Variants in DCC observed in about 807,000 individuals in gnomAD.
DCC encodes netrin receptor DCC.
A neutral mutation model predicts 172.5 loss-of-function variants in DCC; 58 were observed. That is an observed-to-expected ratio of 0.34 (90% CI 0.27 to 0.42). The LOEUF (loss-of-function observed/expected upper bound fraction) is 0.42, where lower values mean the gene tolerates loss of function less well. Ranked by LOEUF, DCC falls within the 10% of genes least tolerant of loss-of-function variation. DCC has a pLI of 1.00. For synonymous variants in DCC, 709 were observed against 644.5 expected, an observed-to-expected ratio of 1.10 and a Z score of -1.52; for missense variants, 1,740 against 1,791.0, an observed-to-expected ratio of 0.97 and a Z score of 0.51.
chr18:53,443,617 A>G (rs924898845), intron 22 of DCC, among the ~76,000 whole-genome samples: 1 of 152,192 alleles, frequency 6.6e-6, no homozygotes, highest in Non-Finnish European at 1.5e-5. Context: ...TATTTCATAG[A>G]TATGTCTTCC....
In DCC at chr18:53,098,591, T is replaced by C. The variant is rs577411616; in HGVS notation, c.1261+32425T>C. ...CACAGAACTGATGCTGTTGTTCTCA[T>C]TGCATCACATTGGGTGGCATATGAC... is the stretch of plus-strand genomic sequence containing the variant. On this transcript the variant is annotated intron_variant, in intron 7 of 28. Transcript: ENST00000442544. 2.6e-5 allele frequency among the ~76,000 whole-genome samples: 4 copies of C among 152,310 alleles called. No homozygotes were observed. In the East Asian group the frequency reaches 5.8e-4, roughly 22 times the overall value.
At chr18:52,981,375 T>C (rs11876381) in intron 5 of DCC, among the ~76,000 whole-genome samples, 3,239 of 152,282 alleles carry the variant, frequency 0.021, 59 homozygotes, top group Admixed American at 0.039. Flanking sequence ...CTGAGCCTTA[T>C]ATTTAATTCA....
chr18:52,839,173 A>G (rs2038762895), intron 2 of DCC, among the ~76,000 whole-genome samples: 1 of 152,210 alleles, frequency 6.6e-6, no homozygotes, highest in Non-Finnish European at 1.5e-5. Context: ...TATACAAATG[A>G]ATCAACCTAT....
chr18:52,468,127 A>G (rs1395563440), intron 1 of DCC, among the ~76,000 whole-genome samples: 1 of 152,206 alleles, frequency 6.6e-6, no homozygotes, highest in African/African-American at 2.4e-5. Flanking sequence ...TTGCAGGGGT[A>G]CAGATATGAG....
At chr18:52,994,047 C>CA (rs1568233471) in intron 5 of DCC, among the ~76,000 whole-genome samples, 1 of 151,698 alleles carries the variant, frequency 6.6e-6, no homozygotes, top group South Asian at 2.1e-4. Flanking sequence ...GTTATGTTAA[C>CA]AAAAAAAGGA....
chr18:53,142,247 G>A (rs1208130796), intron 7 of DCC, among the ~76,000 whole-genome samples: 1 of 152,238 alleles, frequency 6.6e-6, no homozygotes, highest in Non-Finnish European at 1.5e-5. Context: ...TGCTCTGGTG[G>A]ATGACACTTC....
At chr18:53,401,347 A>G (rs1909280328) in intron 18 of DCC, among the ~76,000 whole-genome samples, 1 of 151,866 alleles carries the variant, frequency 6.6e-6, no homozygotes, top group Non-Finnish European at 1.5e-5. Context: ...TTTTTTGAAA[A>G]TGTGAATATA....
At chr18:53,097,458 T>G (rs2043103546) in intron 7 of DCC, among the ~76,000 whole-genome samples, 1 of 152,204 alleles carries the variant, frequency 6.6e-6, no homozygotes. Flanking sequence ...CCTGATGTCA[T>G]TTTAAAATAA....
chr18:53,044,731 G>C (rs925512360), intron 5 of DCC, among the ~76,000 whole-genome samples: 1 of 151,776 alleles, frequency 6.6e-6, no homozygotes, highest in African/African-American at 2.4e-5. Context: ...CTCATAACTT[G>C]ACTTCTAAAT....
intron 12 of DCC, among the ~76,000 whole-genome samples, chr18:53,226,220 C>A (rs2056025576): frequency 6.6e-6 from 1 of 152,034 alleles, no homozygotes; most frequent in Non-Finnish European, 1.5e-5. Context: ...CAAAAATAAG[C>A]CTTGCATTCA....
intron 1 of DCC, among the ~76,000 whole-genome samples, chr18:52,685,576 G>T (rs1326402632): frequency 6.6e-6 from 1 of 152,080 alleles, no homozygotes; most frequent in African/African-American, 2.4e-5. Context: ...GGCAGGAATG[G>T]ATGAGGTCCT....
chr18:52,927,116 CGT>C lies in DCC; in HGVS notation c.985+1749_985+1750del, dbSNP rs1243688115. 2.3e-5 allele frequency among the ~76,000 whole-genome samples: 2 copies of C among 85,446 alleles called. 1 individual carries two copies. Among genetic ancestry groups the C allele is most frequent in the Non-Finnish European group, 5.1e-5 (2 of 39,096 alleles). 56.1% of individuals were successfully genotyped at this position (85,446 alleles called of 152,430 possible). A position where few individuals can be genotyped will look rare whatever the true frequency, so the allele number is the denominator to read the frequency against. On this transcript the variant is annotated intron_variant, in intron 5 of 28. Coordinates refer to ENST00000442544, the MANE Select transcript of DCC (RefSeq NM_005215.4). Reference sequence around the variant, plus strand: ...ATATACGTGTATATACACGTATATACGTGTATATACACGTATATACGTGTATA... The same window carrying C: ...ATATACGTGTATATACACGTATATACGTATATACACGTATATACGTGTATA...
At chr18:52,442,169 CTCAGAGTGACAT>C (rs1405797241) in intron 1 of DCC, among the ~76,000 whole-genome samples, 5 of 152,172 alleles carry the variant, frequency 3.3e-5, no homozygotes, top group African/African-American at 1.2e-4. Context: ...ACATGAACAT[CTCAGAGTGACAT>C]TCATAATCTA....
chr18:53,485,455 G>A (rs1308118686), intron 25 of DCC, among the ~76,000 whole-genome samples: 1 of 151,960 alleles, frequency 6.6e-6, no homozygotes, highest in East Asian at 1.9e-4. Flanking sequence ...TTGTTGAAAT[G>A]ATTTATCTTT....
intron 5 of DCC, among the ~76,000 whole-genome samples, chr18:52,960,406 A>C (rs1351612048): frequency 6.6e-6 from 1 of 152,026 alleles, no homozygotes; most frequent in East Asian, 1.9e-4. Context: ...ATTTCTTTTA[A>C]TGTCTACATT....
chr18:52,718,880 T>C (rs1199703305), intron 1 of DCC, among the ~76,000 whole-genome samples: 1 of 152,210 alleles, frequency 6.6e-6, no homozygotes, highest in African/African-American at 2.4e-5. Flanking sequence ...GACACTTGTA[T>C]TGGTCTTTTA....
intron 5 of DCC, among the ~76,000 whole-genome samples, chr18:52,953,000 CAAAAAA>C (rs11315976): frequency 0.043 from 2,259 of 52,178 alleles, 61 homozygotes; most frequent in African/African-American, 0.12. Context: ...TCTCCTGTCT[CAAAAAA>C]AAAAAAAAAA....
intron 21 of DCC, among the ~76,000 whole-genome samples, chr18:53,424,857 C>G (rs1910818665): frequency 1.3e-5 from 2 of 152,158 alleles, no homozygotes; most frequent in African/African-American, 4.8e-5. Flanking sequence ...TTTCTCTCTG[C>G]TCTAATGTAG....
intron 2 of DCC, among the ~76,000 whole-genome samples, chr18:52,875,014 G>C (rs1395711822): frequency 6.6e-6 from 1 of 152,064 alleles, no homozygotes; most frequent in Non-Finnish European, 1.5e-5. Flanking sequence ...GATGACTAAG[G>C]CAGAGGAATA....
Sources: allele counts gnomAD v4.1 joint callset (sites outside exome capture counted in the v4.1 genomes callset), GRCh38; gene constraint gnomAD v4.1.1; transcripts MANE v1.5; gene names NCBI Gene and HGNC (gene_info 2026-07-23, HGNC 2026-07-21).